Variants in VPS33B observed in about 807,000 individuals in gnomAD.
VPS33B encodes vacuolar protein sorting-associated protein 33B.
Under a neutral mutation model 95.3 loss-of-function variants are expected in VPS33B, and 80 were observed. The observed-to-expected ratio is 0.84, with a 90% CI of 0.70 to 1.01. The LOEUF is 1.01. Ranked by LOEUF, VPS33B falls within the 50% of genes least tolerant of loss-of-function variation. The probability of loss-of-function intolerance (pLI) is 0.00; values close to 1 mark genes in which losing one functional copy is unlikely to be tolerated. For synonymous variants in VPS33B, 280 were observed against 280.4 expected, an observed-to-expected ratio of 1.00 and a Z score of 0.01; for missense variants, 715 against 773.4, an observed-to-expected ratio of 0.92 and a Z score of 0.90.
At position 90,999,822 on chromosome 15, in the gene VPS33B, TC is replaced by T; in HGVS notation, c.1658-30del. 1 of 1,613,988 alleles carries T rather than the reference TC, an allele frequency of 6.2e-7. No homozygotes were observed. The highest frequency in any genetic ancestry group is 8.5e-7 in the Non-Finnish European group (1 of 1,179,946). On this transcript the variant is annotated intron_variant, in intron 21 of 22. Coordinates refer to ENST00000333371, the MANE Select transcript of VPS33B (RefSeq NM_018668.5). The surrounding 1 kb of genome is among the most constrained non-coding windows in gnomAD (Gnocchi z 5.1). ...TGAGGATCAGACCAGATTCAGCCCTTCCCTGACATGCTAGTCCTGAGTGGTG... is the reference window on the plus strand; with the variant it reads ...TGAGGATCAGACCAGATTCAGCCCTTCCTGACATGCTAGTCCTGAGTGGTG...
At position 91,006,833 on chromosome 15, in the gene VPS33B, C is replaced by T. The variant is rs1263981764; in HGVS notation, c.701-104G>A. 1.3e-6 allele frequency: 2 copies of T among 1,580,592 alleles called. No individual in the cohort carries two copies. The highest frequency in any genetic ancestry group is 1.7e-6 in the Non-Finnish European group (2 of 1,150,188). ...CTTTCCATAGGGCCAAGGACCCACG[C>T]TCCTCAAAGCTGGGATTCACAGCCC... is the stretch of plus-strand genomic sequence containing the variant. On this transcript the variant is annotated intron_variant, in intron 9 of 22. Coordinates refer to ENST00000333371, the MANE Select transcript of VPS33B (RefSeq NM_018668.5). This position sits in a 1 kb window ranked among gnomAD's most constrained non-coding sequence, Gnocchi z 5.4.
intron 2 of VPS33B, among the ~76,000 whole-genome samples, chr15:91,017,281 G>A (rs1296562289): frequency 2.0e-5 from 3 of 147,686 alleles, no homozygotes; most frequent in Non-Finnish European, 4.5e-5. Flanking sequence ...CCAGCACGTT[G>A]GGAGGCCAAG....
chr15:91,014,289 ACAATTATTTTCTTATTAGAGGG>A, intron 4 of VPS33B, 73 bp downstream of exon 4: 1 of 1,321,400 alleles, frequency 7.6e-7, no homozygotes. Flanking sequence ...GCCAACTCAA[ACAATTATTTTCTTATTAGAGGG>A]TCCTTATGGC....
chr15:91,016,575 G>C (rs1194682819), intron 3 of VPS33B, among the ~76,000 whole-genome samples: 4 of 151,790 alleles, frequency 2.6e-5, no homozygotes, highest in Non-Finnish European at 5.9e-5. Context: ...GTAGAGATGG[G>C]GTTTCACCAT....
In VPS33B at chr15:91,013,216, ACAATTC is replaced by A. The variant is rs1341462708; in HGVS notation, c.357+582_357+587del. Among the ~76,000 whole-genome samples, 1 of 152,228 alleles carries A rather than the reference ACAATTC, an allele frequency of 6.6e-6. No homozygotes were observed. Among genetic ancestry groups the A allele is most frequent in the Non-Finnish European group, 1.5e-5 (1 of 68,032 alleles). The stretch of plus-strand genomic sequence containing the variant: ...AAAATCTACGTAGAGGCCTCTTCGC[ACAATTC>A]CACAATACTTTATTTGGGACAGTAT... On this transcript the variant is annotated intron_variant, in intron 5 of 22. Transcript: ENST00000333371. This position sits in a 1 kb window ranked among gnomAD's most constrained non-coding sequence, Gnocchi z 4.5.
intron 1 of VPS33B, among the ~76,000 whole-genome samples, chr15:91,019,624 C>T (rs2041045843): frequency 6.6e-6 from 1 of 152,060 alleles, no homozygotes; most frequent in South Asian, 2.1e-4. Flanking sequence ...TGTATTGAAG[C>T]ATTCCAATCA....
chr15:91,014,398 A>G lies in VPS33B; in HGVS notation c.275T>C (p.Met92Thr), dbSNP rs1483705678. ...CFLVRPRIKN[M>T]RYIASLVNAD... Reference sequence around the variant, plus strand: ...GGCACACTCACTGGCAATGTATCGCATATTCTTGATGCGGGGTCTGACCAA... The same window carrying G: ...GGCACACTCACTGGCAATGTATCGCGTATTCTTGATGCGGGGTCTGACCAA... Residue 92 changes from methionine to threonine, a missense_variant, in exon 4 of 23, where the codon ATG becomes ACG. Physicochemically the swap from Met to Thr is moderately conservative, Grantham distance 81. Coordinates refer to ENST00000333371, the MANE Select transcript of VPS33B (RefSeq NM_018668.5). 9.9e-6 allele frequency: 16 copies of G among 1,614,078 alleles called. No individual in the cohort carries two copies. Among genetic ancestry groups the G allele is most frequent in the Admixed American group, 1.7e-5 (1 of 60,010 alleles).
chr15:91,004,185 T>C (rs1367288314), intron 16 of VPS33B, among the ~76,000 whole-genome samples: 2 of 150,344 alleles, frequency 1.3e-5, no homozygotes, highest in African/African-American at 2.5e-5. Context: ...ATCGTGCCAT[T>C]GCACTCCAGC....
chr15:91,021,225 T>C (rs1182121231), intron 1 of VPS33B, among the ~76,000 whole-genome samples: 1 of 152,214 alleles, frequency 6.6e-6, no homozygotes, highest in Non-Finnish European at 1.5e-5. Flanking sequence ...CTGCCCACCT[T>C]CCAGTCTAAT....
chr15:91,005,627 G>A lies in VPS33B; in HGVS notation c.1030+67C>T. 1 of 1,595,124 alleles carries A rather than the reference G, an allele frequency of 6.3e-7. No individual in the cohort carries two copies. Among genetic ancestry groups the A allele is most frequent in the Non-Finnish European group, 8.6e-7 (1 of 1,162,812 alleles). On this transcript the variant is annotated intron_variant, in intron 13 of 22. Transcript: ENST00000333371. The surrounding 1 kb of genome is among the most constrained non-coding windows in gnomAD (Gnocchi z 6.4). ...CAGGGATCTCCTCCTCGGGAGTAAT[G>A]GTCCTCTGGAGCTTTCCCCAGAGGG...
intron 4 of VPS33B, among the ~76,000 whole-genome samples, 151 bp downstream of exon 4, chr15:91,014,219 CAAAAAAAAAAAAAA>C: frequency 1.7e-5 from 1 of 59,632 alleles, no homozygotes; most frequent in South Asian, 6.0e-4. Flanking sequence ...AACTCCGTCT[CAAAAAAAAAAAAAA>C]AAAAAAAAAG....
rs368931670 is a variant in VPS33B at position 91,005,694 on chromosome 15, G to T, written c.1030C>A (p.His344Asn). 3 of 1,613,932 alleles carry T rather than the reference G, an allele frequency of 1.9e-6. No individual in the cohort carries two copies. The highest frequency in any genetic ancestry group is 2.5e-6 in the Non-Finnish European group (3 of 1,179,998). ...TCACGCCCCTCAAGCTGAAACCTAC[G>T]GAGACTCAGCAGGCGGTGCTCCTGT... ...LKQEHRLLSL[H>N]IGACESIMKK... Residue 344 changes from histidine to asparagine, a missense_variant and splice_region_variant, in exon 13 of 23, where the codon CAT becomes AAT. Coordinates refer to ENST00000333371, the MANE Select transcript of VPS33B (RefSeq NM_018668.5). The surrounding 1 kb of genome is among the most constrained non-coding windows in gnomAD (Gnocchi z 6.4).
intron 3 of VPS33B, among the ~76,000 whole-genome samples, chr15:91,016,136 A>G (rs1297792101): frequency 6.6e-6 from 1 of 152,138 alleles, no homozygotes; most frequent in African/African-American, 2.4e-5. Context: ...AAGGATGGAC[A>G]TTCTTTATAG....
At chr15:91,008,241 C>T (rs1042694935) in intron 6 of VPS33B, among the ~76,000 whole-genome samples, 6 of 152,118 alleles carry the variant, frequency 3.9e-5, no homozygotes, top group South Asian at 4.1e-4. Flanking sequence ...CCAAAAGTGC[C>T]GAGAAAACAT....
rs1400192813 is a variant in VPS33B, at chr15:90,999,576, C to A, written c.1774+101G>T. 7.8e-7 allele frequency: 1 copy of A among 1,288,344 alleles called. No homozygotes were observed. The highest frequency in any genetic ancestry group is 1.1e-6 in the Non-Finnish European group (1 of 891,526). The allele number at this position is 1,288,344 out of a possible 1,614,324, so 79.8% of individuals were successfully genotyped here. On this transcript the variant is annotated intron_variant, in intron 22 of 22. Transcript: ENST00000333371. The surrounding 1 kb of genome is among the most constrained non-coding windows in gnomAD (Gnocchi z 5.1). Reference sequence around the variant, plus strand: ...TCAGGTGATCTGCCCGCCTCCGCCTCCCAAAGTGCTGAGATTACAGGTATG... The same window carrying A: ...TCAGGTGATCTGCCCGCCTCCGCCTACCAAAGTGCTGAGATTACAGGTATG...
In VPS33B at chr15:91,005,178, G is replaced by A; in HGVS notation, c.1106-59C>T. On this transcript the variant is annotated intron_variant, in intron 14 of 22. Coordinates refer to ENST00000333371, the MANE Select transcript of VPS33B (RefSeq NM_018668.5). The surrounding 1 kb of genome is among the most constrained non-coding windows in gnomAD (Gnocchi z 6.4). ...GGCCAGCTCAGCTGCTGCCATCTAT[G>A]CTAACAGGTGTCTGTCTCCCCATCT... The A allele has an allele frequency of 6.2e-7, 1 of 1,613,794 alleles. No individual in the cohort carries two copies. Among genetic ancestry groups the A allele is most frequent in the Middle Eastern group, 1.7e-4 (1 of 6,036 alleles).
In VPS33B at chr15:91,002,952, C is replaced by G; in HGVS notation, c.1272+133G>C. On this transcript the variant is annotated intron_variant, in intron 17 of 22. Coordinates refer to ENST00000333371, the MANE Select transcript of VPS33B (RefSeq NM_018668.5). The surrounding 1 kb of genome is among the most constrained non-coding windows in gnomAD (Gnocchi z 4.7). ...TGAAAGGTGACTCTCCCTAGTAGCT[C>G]TAAGAGGGAGGCCTGAATGGAAACA... 1.0e-6 allele frequency: 1 copy of G among 993,366 alleles called. No homozygotes were observed. The highest frequency in any genetic ancestry group is 1.6e-6 in the Non-Finnish European group (1 of 619,818). The allele number at this position is 993,366 out of a possible 1,614,324, so 61.5% of individuals were successfully genotyped here.
At position 91,014,265 on chromosome 15, in the gene VPS33B, C is replaced by T. The variant is rs2040861387; in HGVS notation, c.289+119G>A. On this transcript the variant is annotated intron_variant, in intron 4 of 22. Transcript: ENST00000333371. ...AAAGAAGCGGGGAAGCAGACATCCT[C>T]CACAAGTGCTACGGCCAACTCAAAC... The T allele has an allele frequency of 3.0e-6, 3 of 1,003,744 alleles. 1 individual carries two copies. Among genetic ancestry groups the T allele is most frequent in the Non-Finnish European group, 4.7e-6 (3 of 635,142 alleles). 62.2% of individuals were successfully genotyped at this position (1,003,744 alleles called of 1,614,324 possible). A position where few individuals can be genotyped will look rare whatever the true frequency, so the allele number is the denominator to read the frequency against.
chr15:91,011,975 C>T lies in VPS33B; in HGVS notation c.357+1829G>A, dbSNP rs906040786. Among the ~76,000 whole-genome samples, 1 of 149,600 alleles carries T rather than the reference C, an allele frequency of 6.7e-6. No homozygotes were observed. Among genetic ancestry groups the T allele is most frequent in the Non-Finnish European group, 1.5e-5 (1 of 67,802 alleles). On this transcript the variant is annotated intron_variant, in intron 5 of 22. Coordinates refer to ENST00000333371, the MANE Select transcript of VPS33B (RefSeq NM_018668.5). The surrounding 1 kb of genome is among the most constrained non-coding windows in gnomAD (Gnocchi z 5.5). ...CTGCACTCCAGTCTGGGTGACAGAG[C>T]AATGCACTGTCTCCAAAAACAAAAC...
Sources: allele counts gnomAD v4.1 joint callset (sites outside exome capture counted in the v4.1 genomes callset), GRCh38; gene constraint gnomAD v4.1.1; non-coding constraint Gnocchi (gnomAD v3.1); transcripts MANE v1.5; gene names NCBI Gene and HGNC (gene_info 2026-07-23, HGNC 2026-07-21).